UGGT1: variants seen among roughly 807,000 people sequenced by gnomAD.
UGGT1 encodes UDP-glucose glycoprotein glucosyltransferase 1.
Under a neutral mutation model 203.9 loss-of-function variants are expected in UGGT1, and 107 were observed. The observed-to-expected ratio is 0.52, with a 90% CI of 0.45 to 0.62. The LOEUF (loss-of-function observed/expected upper bound fraction) is 0.62, where lower values mean the gene tolerates loss of function less well. Among genes scored for constraint, UGGT1 ranks in the 20% least tolerant of loss-of-function variants. UGGT1 has a pLI of 0.00. For missense variants in UGGT1, 1,673 were observed against 1,867.2 expected, an observed-to-expected ratio of 0.90 and a Z score of 1.92; for synonymous variants, 628 against 653.5, an observed-to-expected ratio of 0.96 and a Z score of 0.59.
At chr2:128,150,399 A>G (rs961015505) in intron 18 of UGGT1, among the ~76,000 whole-genome samples, 1 of 152,226 alleles carries the variant, frequency 6.6e-6, no homozygotes, top group African/African-American at 2.4e-5. Flanking sequence ...ACTGCACTCT[A>G]GTCTGAGCAA....
At chr2:128,118,002 G>C (rs1159426746) in intron 8 of UGGT1, among the ~76,000 whole-genome samples, 1 of 150,970 alleles carries the variant, frequency 6.6e-6, no homozygotes, top group East Asian at 1.9e-4. Flanking sequence ...GTGAGAGAGA[G>C]AGAGAGAGAG....
At chr2:128,157,813 TTAA>T (rs1191169471) in intron 22 of UGGT1, among the ~76,000 whole-genome samples, 2 of 152,176 alleles carry the variant, frequency 1.3e-5, no homozygotes, top group Non-Finnish European at 2.9e-5. Flanking sequence ...TATGCTGCCA[TTAA>T]TAGTTGGGCT....
intron 7 of UGGT1, among the ~76,000 whole-genome samples, chr2:128,115,431 A>AGGAG (rs1688053252): frequency 6.7e-6 from 1 of 149,916 alleles, no homozygotes. Context: ...TGTCTCTTCC[A>AGGAG]GTATTGGGGA....
chr2:128,143,512 A>G (rs1214639559), intron 17 of UGGT1, among the ~76,000 whole-genome samples: 2 of 152,188 alleles, frequency 1.3e-5, no homozygotes, highest in Non-Finnish European at 2.9e-5. Flanking sequence ...TTTATTGTGG[A>G]TGATTATGAT....
At position 128,123,015 on chromosome 2, in the gene UGGT1, A is replaced by G. The variant is rs372606062; in HGVS notation, c.1074-171A>G. On this transcript the variant is annotated intron_variant, in intron 10 of 40. Coordinates refer to ENST00000259253, the MANE Select transcript of UGGT1 (RefSeq NM_020120.4). ...TTTGATTTTGTATCTTACAAAAAAT[A>G]TACACATCTGAGAAAGGAGAAATAT... 1.2e-4 allele frequency among the ~76,000 whole-genome samples: 18 copies of G among 152,238 alleles called. No homozygotes were observed. In the East Asian group the frequency reaches 1.5e-3, roughly 13 times the overall value.
chr2:128,159,247 C>A (rs780829559), intron 22 of UGGT1, among the ~76,000 whole-genome samples: 19 of 151,714 alleles, frequency 1.3e-4, no homozygotes, highest in Non-Finnish European at 2.8e-4. Context: ...TTACAGGCGC[C>A]CACCACCATG....
rs1692432384 is a variant in UGGT1 at position 128,194,577 on chromosome 2, T to C, written c.*4835T>C. Reference sequence around the variant, plus strand: ...CCACCGCGCCTGTCCCATTGTTGTGTAATTTTAATAATTAGTTTTTTAAGT... The same window carrying C: ...CCACCGCGCCTGTCCCATTGTTGTGCAATTTTAATAATTAGTTTTTTAAGT... On this transcript the variant is annotated 3_prime_UTR_variant, in exon 41 of 41. Coordinates refer to ENST00000259253, the MANE Select transcript of UGGT1 (RefSeq NM_020120.4). The C allele has an allele frequency of 6.6e-6, 1 of 152,234 alleles. No homozygotes were observed. Among genetic ancestry groups the C allele is most frequent in the Non-Finnish European group, 1.5e-5 (1 of 68,030 alleles). The allele number at this position is 152,234 out of a possible 1,614,324, so 9.4% of individuals were successfully genotyped here.
chr2:128,120,423 G>C lies in UGGT1; in HGVS notation c.940G>C (p.Glu314Gln). 6.2e-7 allele frequency: 1 copy of C among 1,614,038 alleles called. No individual in the cohort carries two copies. The highest frequency in any genetic ancestry group is 8.5e-7 in the Non-Finnish European group (1 of 1,179,946). Residue 314 changes from glutamate (E) to glutamine (Q), a missense_variant, in exon 9 of 41, where the codon GAA (glutamate) becomes CAA (glutamine). Around this residue, in one of 4 missense-constraint regions of UGGT1, gnomAD observed 1,073 missense variants for 1,078.7 expected, o/e 0.99. Coordinates refer to ENST00000259253, the MANE Select transcript of UGGT1 (RefSeq NM_020120.4). ...AAAGCATCTTGTAGAGAGCACCAAT[G>C]AAATGGCACCTTTAAAGGTTTGGCA... ...LRKHLVESTN[E>Q]MAPLKVWQLQ... is the part of the protein sequence containing the mutation.
chr2:128,109,461 A>G (rs896585621), intron 4 of UGGT1, among the ~76,000 whole-genome samples, 173 bp from the exon 5 acceptor site: 1 of 152,064 alleles, frequency 6.6e-6, no homozygotes, highest in Non-Finnish European at 1.5e-5. Context: ...GGCTTAAGTG[A>G]TGCTCCCACT....
Position 128,135,027 on chromosome 2 carries a change from G to A in UGGT1, c.1583+66G>A, listed in dbSNP as rs1306701119. 32 of 1,371,750 alleles carry A rather than the reference G, an allele frequency of 2.3e-5. 1 individual carries two copies. In the Admixed American group the frequency reaches 5.6e-4, roughly 24 times the overall value. The allele number at this position is 1,371,750 out of a possible 1,614,324, so 85.0% of individuals were successfully genotyped here. A position where few individuals can be genotyped will look rare whatever the true frequency, so the allele number is the denominator to read the frequency against. Reference sequence around the variant, plus strand: ...GAGGTTTTATTTGTCATTTTTAAATGCAAGTCTGGTGCTACTGAGTTGTAG... The same window carrying A: ...GAGGTTTTATTTGTCATTTTTAAATACAAGTCTGGTGCTACTGAGTTGTAG... On this transcript the variant is annotated intron_variant, in intron 15 of 40. Transcript: ENST00000259253.
At chr2:128,140,160 C>A in intron 16 of UGGT1, 1 of 170,040 alleles carries the variant, frequency 5.9e-6, no homozygotes, top group South Asian at 1.7e-4. Flanking sequence ...TATGCAGGGT[C>A]AGCTTAGAGC....
chr2:128,096,089 T>C (rs909053707), intron 1 of UGGT1, among the ~76,000 whole-genome samples: 1 of 152,170 alleles, frequency 6.6e-6, no homozygotes, highest in Admixed American at 6.5e-5. Flanking sequence ...TGGAGACCTT[T>C]TTCTGAAACT....
At chr2:128,149,755 C>T (rs1689859248) in intron 18 of UGGT1, among the ~76,000 whole-genome samples, 1 of 149,898 alleles carries the variant, frequency 6.7e-6, no homozygotes, top group Non-Finnish European at 1.5e-5. Context: ...CACTGCACTC[C>T]AGCCAGGGTG....
At chr2:128,121,653 C>T (rs1688388651) in intron 10 of UGGT1, among the ~76,000 whole-genome samples, 3 of 151,996 alleles carry the variant, frequency 2.0e-5, no homozygotes, top group South Asian at 4.1e-4. Flanking sequence ...GTGATCTGCC[C>T]GCCTTGGCCT....
chr2:128,095,663 A>ATTTTT (rs1400716179), intron 1 of UGGT1, among the ~76,000 whole-genome samples: 1 of 151,706 alleles, frequency 6.6e-6, no homozygotes, highest in African/African-American at 2.4e-5. Flanking sequence ...TGATTTATTA[A>ATTTTT]TTTTTTTTGG....
intron 3 of UGGT1, among the ~76,000 whole-genome samples, chr2:128,106,110 CTTT>C (rs66611494): frequency 1.4e-3 from 143 of 101,344 alleles, no homozygotes; most frequent in Middle Eastern, 6.2e-3. Flanking sequence ...CAGCCTGAAT[CTTT>C]TTTTTTTTTT....
chr2:128,148,396 A>G (rs1265713725), intron 18 of UGGT1, among the ~76,000 whole-genome samples: 1 of 152,094 alleles, frequency 6.6e-6, no homozygotes, highest in Non-Finnish European at 1.5e-5. Flanking sequence ...ATTCCTTAAC[A>G]TCTGTATTCT....
chr2:128,128,587 C>G (rs561366948), intron 12 of UGGT1, among the ~76,000 whole-genome samples: 3 of 152,206 alleles, frequency 2.0e-5, no homozygotes, highest in Non-Finnish European at 2.9e-5. Flanking sequence ...GCTGGGATTA[C>G]AGGCATGAGC....
At chr2:128,179,660 G>C (rs1475415949) in intron 34 of UGGT1, 126 bp from the exon 35 acceptor site, 4 of 703,358 alleles carry the variant, frequency 5.7e-6, no homozygotes, top group African/African-American at 1.9e-5. Context: ...GTCTCCCTCG[G>C]CCTAATTGAG....
Sources: gnomAD v4.1 joint callset for allele counts (sites outside exome capture counted in the v4.1 genomes callset) on GRCh38, gnomAD v4.1.1 for gene constraint, gnomAD v4.1.1 regional missense constraint, MANE v1.5 for transcripts, NCBI Gene and HGNC (gene_info 2026-07-23, HGNC 2026-07-21) for gene names.